Variants in MIPEP observed in about 807,000 individuals in gnomAD.
MIPEP encodes mitochondrial intermediate peptidase.
Under a neutral mutation model 90.3 loss-of-function variants are expected in MIPEP, and 79 were observed. The observed-to-expected ratio is 0.87, with a 90% confidence interval of 0.73 to 1.05. MIPEP has a LOEUF of 1.05. Ranked by LOEUF, MIPEP falls within the 50% of genes least tolerant of loss-of-function variation. MIPEP has a pLI of 0.00. For missense variants in MIPEP, 940 were observed against 905.6 expected (o/e 1.04, Z -0.49); for synonymous variants, 334 against 315.8 (o/e 1.06, Z -0.61).
chr13:23,802,062 C>G (rs920120605), intron 16 of MIPEP, among the ~76,000 whole-genome samples: 1 of 152,092 alleles, frequency 6.6e-6, no homozygotes, highest in Non-Finnish European at 1.5e-5. Context: ...CCAATTTGCT[C>G]TCCTACCTGC....
At chr13:23,774,722 G>C (rs1952692563) in intron 16 of MIPEP, among the ~76,000 whole-genome samples, 1 of 148,834 alleles carries the variant, frequency 6.7e-6, no homozygotes, top group South Asian at 2.1e-4. Context: ...CTAGAATACA[G>C]AAAAACAATT....
chr13:23,873,968 C>T (rs143997469), intron 5 of MIPEP, among the ~76,000 whole-genome samples: 1 of 152,158 alleles, frequency 6.6e-6, no homozygotes, highest in African/African-American at 2.4e-5. Flanking sequence ...ATTACTCAAA[C>T]TCAGCACCTA....
At chr13:23,824,767 A>G (rs950753060) in intron 14 of MIPEP, among the ~76,000 whole-genome samples, 1 of 152,272 alleles carries the variant, frequency 6.6e-6, no homozygotes, top group Admixed American at 6.5e-5. Context: ...GCCTAAATCC[A>G]CAGGAAATAC....
At chr13:23,847,218 C>T (rs749841748) in intron 10 of MIPEP, among the ~76,000 whole-genome samples, 16 of 152,140 alleles carry the variant, frequency 1.1e-4, no homozygotes, top group Non-Finnish European at 2.2e-4. Context: ...TCCCAAAATG[C>T]TTTCAAGAGT....
At chr13:23,844,224 G>A (rs1398860271) in intron 10 of MIPEP, among the ~76,000 whole-genome samples, 1 of 152,078 alleles carries the variant, frequency 6.6e-6, no homozygotes, top group African/African-American at 2.4e-5. Context: ...GGGAGGGGTG[G>A]GAAGGAAGAC....
rs112407293 is a variant in MIPEP at position 23,826,801 on chromosome 13, A to T, written c.1653+9439T>A. Reference sequence around the variant, plus strand: ...TAGGAAGTAACAAACTGAAACAAACAAAATAGGATAAACAAAGTTTGCATT... The same window carrying T: ...TAGGAAGTAACAAACTGAAACAAACTAAATAGGATAAACAAAGTTTGCATT... On this transcript the variant is annotated intron_variant, in intron 14 of 18. Transcript: ENST00000382172. Among the ~76,000 whole-genome samples, 1,346 of 152,322 alleles carry T rather than the reference A, an allele frequency of 8.8e-3. 25 individuals are homozygous for T. Among genetic ancestry groups the T allele is most frequent in the African/African-American group, 0.03 (1,264 of 41,570 alleles).
At chr13:23,793,246 C>A (rs1019496967) in intron 16 of MIPEP, among the ~76,000 whole-genome samples, 9 of 152,092 alleles carry the variant, frequency 5.9e-5, no homozygotes, top group Admixed American at 2.0e-4. Context: ...TACCACAAAG[C>A]AATGAAAAGG....
chr13:23,751,475 G>A (rs922899975), intron 18 of MIPEP, among the ~76,000 whole-genome samples: 1 of 152,176 alleles, frequency 6.6e-6, no homozygotes, highest in South Asian at 2.1e-4. Context: ...CTGATCTGAT[G>A]TTTGGTCCAT....
intron 16 of MIPEP, among the ~76,000 whole-genome samples, chr13:23,793,717 T>A (rs1952925056): frequency 6.6e-6 from 1 of 151,610 alleles, no homozygotes; most frequent in Admixed American, 6.6e-5. Flanking sequence ...TGACCCATCT[T>A]AAGGGAAGGA....
chr13:23,747,501 C>G (rs1280071191), intron 18 of MIPEP: 4 of 496,778 alleles, frequency 8.1e-6, no homozygotes, highest in African/African-American at 7.8e-5. Flanking sequence ...TGTACTAGAA[C>G]AAAAAGTGTC....
intron 16 of MIPEP, among the ~76,000 whole-genome samples, chr13:23,798,712 T>C (rs1952993261): frequency 1.3e-5 from 2 of 152,120 alleles, no homozygotes; most frequent in South Asian, 2.1e-4. Context: ...TTTAAAAGTA[T>C]GTGGCACCTA....
intron 14 of MIPEP, among the ~76,000 whole-genome samples, chr13:23,819,163 G>A (rs1953276813): frequency 6.6e-6 from 1 of 152,200 alleles, no homozygotes; most frequent in South Asian, 2.1e-4. Context: ...GGAGGCCATT[G>A]TTTTATACTG....
At chr13:23,849,161 C>G (rs1869687928) in intron 10 of MIPEP, among the ~76,000 whole-genome samples, 1 of 152,242 alleles carries the variant, frequency 6.6e-6, no homozygotes, top group Non-Finnish European at 1.5e-5. Flanking sequence ...GACCTGTGAA[C>G]AACCAACTGC....
At chr13:23,820,772 C>G (rs932765218) in intron 14 of MIPEP, among the ~76,000 whole-genome samples, 5 of 152,170 alleles carry the variant, frequency 3.3e-5, no homozygotes, top group African/African-American at 1.2e-4. Flanking sequence ...TTCCAATGCC[C>G]CATCAGAGTG....
intron 18 of MIPEP, among the ~76,000 whole-genome samples, chr13:23,734,733 GC>G (rs1234372334): frequency 6.6e-6 from 1 of 151,736 alleles, no homozygotes; most frequent in East Asian, 1.9e-4. Flanking sequence ...CCCATTCGAC[GC>G]CCCTTTCCAG....
At chr13:23,753,589 A>G (rs954985036) in intron 18 of MIPEP, among the ~76,000 whole-genome samples, 5 of 152,236 alleles carry the variant, frequency 3.3e-5, no homozygotes, top group African/African-American at 1.2e-4. Flanking sequence ...TAGAGAGCAT[A>G]GATACATGGT....
At chr13:23,888,276 A>G (rs1244624916) in intron 1 of MIPEP, among the ~76,000 whole-genome samples, 5 of 152,212 alleles carry the variant, frequency 3.3e-5, no homozygotes, top group Non-Finnish European at 5.9e-5. Flanking sequence ...CACACAAAAT[A>G]ATTTTTAAAT....
chr13:23,804,007 C>T (rs1173930026), intron 16 of MIPEP, among the ~76,000 whole-genome samples: 2 of 152,146 alleles, frequency 1.3e-5, no homozygotes, highest in African/African-American at 4.8e-5. Context: ...TAAAGAGATA[C>T]ATCTTTCTAT....
intron 5 of MIPEP, among the ~76,000 whole-genome samples, chr13:23,873,052 G>C (rs1390118786): frequency 3.3e-5 from 5 of 152,188 alleles, no homozygotes; most frequent in African/African-American, 1.2e-4. Flanking sequence ...AAAAGGTAAA[G>C]AAGAATGCCA....
Sources: allele counts gnomAD v4.1 joint callset (sites outside exome capture counted in the v4.1 genomes callset), GRCh38; gene constraint gnomAD v4.1.1; transcripts MANE v1.5; gene names NCBI Gene and HGNC (gene_info 2026-07-23, HGNC 2026-07-21).